Variants in SLC12A2 observed in about 807,000 individuals in gnomAD.
SLC12A2 encodes the protein Na-K-2Cl cotransporter 1.
SLC12A2 carries 67 observed loss-of-function variants against 136.3 expected under a neutral mutation model. That is an observed-to-expected ratio of 0.49 (90% CI 0.40 to 0.60). The LOEUF (loss-of-function observed/expected upper bound fraction) is 0.60. Ranked by LOEUF, SLC12A2 falls within the 20% of genes least tolerant of loss-of-function variation. SLC12A2 has a pLI of 0.00. For missense variants in SLC12A2, 1,322 were observed against 1,534.7 expected, an observed-to-expected ratio of 0.86 and a Z score of 2.32; for synonymous variants, 619 against 562.9, an observed-to-expected ratio of 1.10 and a Z score of -1.41.
At chr5:128,121,338 T>A (rs1179013030) in intron 4 of SLC12A2, among the ~76,000 whole-genome samples, 1 of 152,116 alleles carries the variant, frequency 6.6e-6, no homozygotes, top group Non-Finnish European at 1.5e-5. Context: ...ACCGTTTTTT[T>A]TTGAGACAGA....
In SLC12A2 at chr5:128,132,287, A is replaced by C. The variant is rs184666977; in HGVS notation, c.1188+1081A>C. Among the ~76,000 whole-genome samples, 16 of 152,260 alleles carry C rather than the reference A, an allele frequency of 1.1e-4. No homozygotes were observed. The East Asian group carries it at 3.1e-3, about 29-fold the overall frequency. ...GGAGAGGAGATGGTGGCTTATATTA[A>C]AACAGTGACTTGTGGAGCGGGAAAG... On this transcript the variant is annotated intron_variant, in intron 5 of 26. Coordinates refer to ENST00000262461, the MANE Select transcript of SLC12A2 (RefSeq NM_001046.3).
intron 1 of SLC12A2, among the ~76,000 whole-genome samples, chr5:128,098,185 T>C (rs527394907): frequency 1.8e-4 from 27 of 152,248 alleles, no homozygotes; most frequent in African/African-American, 6.5e-4. Flanking sequence ...AATCTGTACG[T>C]TGATGTTTTT....
At chr5:128,152,556 T>A in intron 14 of SLC12A2, 150 bp from the exon 15 acceptor site, 1 of 612,752 alleles carries the variant, frequency 1.6e-6, no homozygotes, top group Non-Finnish European at 3.0e-6. Flanking sequence ...AATATCTTGC[T>A]GTATATGTGA....
intron 1 of SLC12A2, among the ~76,000 whole-genome samples, chr5:128,091,559 A>G (rs1760318911): frequency 6.6e-6 from 1 of 152,206 alleles, no homozygotes; most frequent in Non-Finnish European, 1.5e-5. Flanking sequence ...ATTACTTAAA[A>G]TACTGAAGTT....
chr5:128,180,727 G>A (rs1763680441), intron 22 of SLC12A2, among the ~76,000 whole-genome samples, 156 bp from the exon 23 acceptor site: 1 of 152,094 alleles, frequency 6.6e-6, no homozygotes, highest in Admixed American at 6.6e-5. Context: ...TGTTTCTCAG[G>A]TCTGCTAATG....
intron 4 of SLC12A2, among the ~76,000 whole-genome samples, chr5:128,123,940 C>G (rs1761683513): frequency 6.6e-6 from 1 of 152,098 alleles, no homozygotes. Flanking sequence ...GATATATTAC[C>G]ATTTGTAGCT....
intron 19 of SLC12A2, among the ~76,000 whole-genome samples, chr5:128,172,938 C>T (rs886557791): frequency 7.2e-6 from 1 of 138,826 alleles, no homozygotes; most frequent in Non-Finnish European, 1.5e-5. Flanking sequence ...GTGACAAGAG[C>T]AAGACTCAAA....
chr5:128,116,173 A>G (rs1006128629), intron 4 of SLC12A2, among the ~76,000 whole-genome samples: 1 of 152,146 alleles, frequency 6.6e-6, no homozygotes, highest in Admixed American at 6.5e-5. Context: ...CAAATCATCA[A>G]AGAATTTCTC....
intron 15 of SLC12A2, among the ~76,000 whole-genome samples, chr5:128,157,807 G>C (rs1010206250): frequency 1.3e-5 from 2 of 152,054 alleles, no homozygotes; most frequent in African/African-American, 4.8e-5. Context: ...ATACCTACCA[G>C]AATCTTGATG....
chr5:128,141,355 A>C (rs998072144), intron 9 of SLC12A2, among the ~76,000 whole-genome samples: 1 of 152,190 alleles, frequency 6.6e-6, no homozygotes, highest in South Asian at 2.1e-4. Context: ...ATTTAAATAT[A>C]ATTATAATTC....
chr5:128,159,318 C>T (rs1762960545), intron 16 of SLC12A2, among the ~76,000 whole-genome samples: 1 of 152,138 alleles, frequency 6.6e-6, no homozygotes, highest in Non-Finnish European at 1.5e-5. Context: ...AAAACATAGG[C>T]AGTACCATTC....
chr5:128,112,945 T>C lies in SLC12A2; in HGVS notation c.876+12T>C, dbSNP rs1761208944. 1 of 1,571,460 alleles carries C rather than the reference T, an allele frequency of 6.4e-7. No individual in the cohort carries two copies. The highest frequency in any genetic ancestry group is 8.6e-7 in the Non-Finnish European group (1 of 1,164,286). ...TCAAGGGTGTATTAGTATGTATATA[T>C]AGACTTAATTTTATAGTTACAGCAT... On this transcript the variant is annotated intron_variant, in intron 2 of 26. Transcript: ENST00000262461.
intron 4 of SLC12A2, among the ~76,000 whole-genome samples, chr5:128,118,271 CAT>C (rs757733323): frequency 1.6e-4 from 25 of 152,120 alleles, no homozygotes; most frequent in Non-Finnish European, 2.5e-4. Context: ...CTTGTGCACA[CAT>C]GTTTATAGCA....
Position 128,148,490 on chromosome 5 carries a change from G to T in SLC12A2, c.1882-264G>T, listed in dbSNP as rs547027936. Among the ~76,000 whole-genome samples the T allele has an allele frequency of 1.1e-4, 16 of 151,878 alleles. No individual in the cohort carries two copies. In the South Asian group the frequency reaches 2.7e-3, roughly 26 times the overall value. On this transcript the variant is annotated intron_variant, in intron 11 of 26. Coordinates refer to ENST00000262461, the MANE Select transcript of SLC12A2 (RefSeq NM_001046.3). Reference sequence around the variant, plus strand: ...CAACTTTGTTTTTACTTGTATGCCTGCTTCTGTGATTTCTTCTTCATAAAA... The same window carrying T: ...CAACTTTGTTTTTACTTGTATGCCTTCTTCTGTGATTTCTTCTTCATAAAA...
In SLC12A2 at chr5:128,084,447, G is replaced by A; in HGVS notation, c.493G>A (p.Asp165Asn). 3 of 1,612,704 alleles carry A rather than the reference G, an allele frequency of 1.9e-6. No homozygotes were observed. The highest frequency in any genetic ancestry group is 2.5e-6 in the Non-Finnish European group (3 of 1,179,552). The change falls in exon 1 of 27, where the codon GAC becomes AAC. Residue 165 changes from aspartate to asparagine, a missense_variant. Asp to Asn is a conservative substitution (Grantham distance 23, BLOSUM62 1). This residue lies in a region of SLC12A2 where 358 missense variants were observed against 299.7 expected (regional missense o/e 1.19). Transcript: ENST00000262461. This position sits in a 1 kb window ranked among gnomAD's most constrained non-coding sequence, Gnocchi z 5.6. ...GTCAGATGCTGCCGGGGTCGGAGTC[G>A]ACGGGCCCAACGTGAGCTTCCAGAA... is the stretch of plus-strand genomic sequence containing the variant. ...SLSDAAGVGV[D>N]GPNVSFQNGG...
chr5:128,157,021 ACT>A (rs1762890506), intron 15 of SLC12A2, among the ~76,000 whole-genome samples: 1 of 151,862 alleles, frequency 6.6e-6, no homozygotes, highest in Non-Finnish European at 1.5e-5. Context: ...CCTCAAAGCA[ACT>A]CTCCCAGACA....
At chr5:128,090,578 C>A (rs145395583) in intron 1 of SLC12A2, among the ~76,000 whole-genome samples, 1 of 152,102 alleles carries the variant, frequency 6.6e-6, no homozygotes, top group Non-Finnish European at 1.5e-5. Flanking sequence ...ATGGGGCTTT[C>A]ATTCTAGCGG....
intron 9 of SLC12A2, among the ~76,000 whole-genome samples, chr5:128,141,254 C>G (rs1482977691): frequency 6.6e-6 from 1 of 152,114 alleles, no homozygotes; most frequent in Non-Finnish European, 1.5e-5. Flanking sequence ...TTCATCTATA[C>G]CCAAGTCACT....
At chr5:128,119,455 C>T (rs982899775) in intron 4 of SLC12A2, among the ~76,000 whole-genome samples, 10 of 152,216 alleles carry the variant, frequency 6.6e-5, no homozygotes, top group African/African-American at 2.4e-4. Context: ...TCCAGTTTTC[C>T]CAGCACCATT....
Sources: gnomAD v4.1 joint callset for allele counts (sites outside exome capture counted in the v4.1 genomes callset) on GRCh38, gnomAD v4.1.1 for gene constraint, gnomAD v4.1.1 regional missense constraint, Gnocchi (gnomAD v3.1) non-coding constraint, MANE v1.5 for transcripts, NCBI Gene and HGNC (gene_info 2026-07-23, HGNC 2026-07-21) for gene names.